Variants in RBFOX1 observed in about 807,000 individuals in gnomAD.
RBFOX1 encodes RNA binding fox-1 homolog 1.
RBFOX1 carries 8 observed loss-of-function variants against 57.7 expected under a neutral mutation model. That is an observed-to-expected ratio of 0.14 (90% CI 0.08 to 0.25). The LOEUF is 0.25. Ranked by LOEUF, RBFOX1 falls within the 10% of genes least tolerant of loss-of-function variation. The pLI is 1.00. For missense variants in RBFOX1, 611 were observed against 548.5 expected, an observed-to-expected ratio of 1.11 and a Z score of -1.14; for synonymous variants, 326 against 222.4, an observed-to-expected ratio of 1.47 and a Z score of -4.15.
intron 1 of RBFOX1, among the ~76,000 whole-genome samples, chr16:6,075,246 A>G (rs942924711): frequency 1.3e-5 from 2 of 152,246 alleles, no homozygotes; most frequent in Non-Finnish European, 2.9e-5. Context: ...TTACCGATGC[A>G]TAAACTTTGA....
intron 2 of RBFOX1, among the ~76,000 whole-genome samples, chr16:6,541,937 C>T (rs2096825924): frequency 6.6e-6 from 1 of 151,490 alleles, no homozygotes; most frequent in Admixed American, 6.6e-5. Flanking sequence ...CATTGATTTA[C>T]ATCTCCCCCT....
intron 3 of RBFOX1, among the ~76,000 whole-genome samples, chr16:7,019,794 G>A (rs975479900): frequency 3.9e-5 from 6 of 152,094 alleles, no homozygotes; most frequent in South Asian, 2.1e-4. Context: ...AAATACCCAC[G>A]CCCCAATTCC....
intron 3 of RBFOX1, among the ~76,000 whole-genome samples, chr16:6,795,155 A>G (rs1172398527): frequency 1.3e-5 from 2 of 152,176 alleles, no homozygotes; most frequent in Admixed American, 6.5e-5. Flanking sequence ...GATTCATAGT[A>G]AGGACCAGAT....
intron 3 of RBFOX1, among the ~76,000 whole-genome samples, chr16:5,735,894 C>T (rs1329429475): frequency 6.6e-6 from 1 of 152,014 alleles, no homozygotes; most frequent in Non-Finnish European, 1.5e-5. Flanking sequence ...AATAAAACAA[C>T]AACAACAACA....
At position 5,867,191 on chromosome 16, in the gene RBFOX1, T is replaced by G. The variant is rs575981374; in HGVS notation, c.319-112T>G. ...GTGTGTGTGGTGTGTGTTGCAACCT[T>G]TGTCCCCTCGGGTCATAACAAATTA... On this transcript the variant is annotated intron_variant, in intron 3 of 19. Coordinates refer to the RBFOX1 transcript ENST00000641259. The G allele has an allele frequency of 4.9e-5, 28 of 575,464 alleles. No individual in the cohort carries two copies. In the South Asian group the frequency reaches 2.4e-3, roughly 50 times the overall value. The allele number at this position is 575,464 out of a possible 1,614,324, so 35.6% of individuals were successfully genotyped here.
At chr16:5,995,101 C>A (rs956134936) in intron 4 of RBFOX1, among the ~76,000 whole-genome samples, 1 of 152,300 alleles carries the variant, frequency 6.6e-6, no homozygotes, top group Non-Finnish European at 1.5e-5. Flanking sequence ...TCTTGAAGTA[C>A]ATTTCTGTAC....
chr16:7,174,863 A>G (rs1347149041), intron 4 of RBFOX1, among the ~76,000 whole-genome samples: 1 of 152,216 alleles, frequency 6.6e-6, no homozygotes, highest in African/African-American at 2.4e-5. Context: ...CACCAGCAAC[A>G]TACAAGCATC....
chr16:6,412,191 C>G (rs549160608), intron 2 of RBFOX1, among the ~76,000 whole-genome samples: 1 of 150,976 alleles, frequency 6.6e-6, no homozygotes, highest in Admixed American at 6.6e-5. Context: ...TCACAGTAGT[C>G]AAATACTGGG....
At position 7,587,286 on chromosome 16, in the gene RBFOX1, G is replaced by T; in HGVS notation, c.454G>T (p.Glu152Ter). ...CTTAGATGTTGAAATTATTTTTAAT[G>T]AGCGAGGCTCAAAGGTAAGCAACTT... The part of the protein sequence containing the change: ...KILDVEIIFN[E>*]RGSKGFGFVT... Residue 152 changes from glutamate to a stop codon, truncating the protein, a stop_gained, in exon 7 of 16, where the codon GAG becomes TAG. Transcript: ENST00000550418. LOFTEE classifies it high-confidence loss of function. 1 of 1,562,664 alleles carries T rather than the reference G, an allele frequency of 6.4e-7. No homozygotes were observed. The highest frequency in any genetic ancestry group is 1.2e-5 in the South Asian group (1 of 80,652).
intron 1 of RBFOX1, among the ~76,000 whole-genome samples, chr16:6,249,903 C>T (rs2097594614): frequency 6.6e-6 from 1 of 151,022 alleles, no homozygotes; most frequent in Non-Finnish European, 1.5e-5. Flanking sequence ...TTAGGTATAT[C>T]TCCAACTGCT....
At chr16:6,287,217 T>G (rs1351907797) in intron 1 of RBFOX1, among the ~76,000 whole-genome samples, 2 of 152,140 alleles carry the variant, frequency 1.3e-5, no homozygotes, top group African/African-American at 4.8e-5. Flanking sequence ...AACTTACTGT[T>G]TTCAAGTTGA....
chr16:6,954,242 G>A (rs955449751), intron 3 of RBFOX1, among the ~76,000 whole-genome samples: 1 of 147,088 alleles, frequency 6.8e-6, no homozygotes, highest in Admixed American at 6.7e-5. Flanking sequence ...GATTTTGAAG[G>A]TGCTATGTAA....
At chr16:5,491,048 C>T (rs952989600) in intron 2 of RBFOX1, among the ~76,000 whole-genome samples, 3 of 152,064 alleles carry the variant, frequency 2.0e-5, no homozygotes, top group African/African-American at 7.2e-5. Context: ...CTGCAATGGC[C>T]AATATCAAAT....
chr16:5,696,704 TGAG>T (rs987882878), intron 3 of RBFOX1, among the ~76,000 whole-genome samples: 3 of 152,314 alleles, frequency 2.0e-5, no homozygotes, highest in African/African-American at 7.2e-5. Context: ...TTCAAATACT[TGAG>T]GAGAGTTTAC....
chr16:5,394,245 A>T (rs2066488230), intron 1 of RBFOX1, among the ~76,000 whole-genome samples: 1 of 152,104 alleles, frequency 6.6e-6, no homozygotes, highest in Non-Finnish European at 1.5e-5. Flanking sequence ...GCTGATCTCA[A>T]ACTCCTGAAC....
In RBFOX1 at chr16:6,413,499, G is replaced by C. The variant is rs564484221; in HGVS notation, c.-64+96442G>C. ...TTTAATAGATAATGGTTAGGACAGTGAAATTTTTAGTCGGCTATCATTGCA... is the reference window on the plus strand; with the variant it reads ...TTTAATAGATAATGGTTAGGACAGTCAAATTTTTAGTCGGCTATCATTGCA... On this transcript the variant is annotated intron_variant, in intron 2 of 15. Coordinates refer to ENST00000550418, the MANE Select transcript of RBFOX1 (RefSeq NM_018723.4). Among the ~76,000 whole-genome samples the C allele has an allele frequency of 6.6e-5, 10 of 152,198 alleles. No homozygotes were observed. The South Asian group carries it at 1.9e-3, about 28-fold the overall frequency.
intron 2 of RBFOX1, among the ~76,000 whole-genome samples, chr16:6,367,571 C>G (rs979401410): frequency 2.0e-5 from 3 of 152,002 alleles, no homozygotes; most frequent in East Asian, 1.9e-4. Context: ...CGCCTGGCCC[C>G]TTCTTGGATT....
At chr16:5,929,621 T>C (rs956103484) in intron 4 of RBFOX1, among the ~76,000 whole-genome samples, 36 of 152,222 alleles carry the variant, frequency 2.4e-4, no homozygotes, top group African/African-American at 8.4e-4. Flanking sequence ...TGGATCATAA[T>C]ATAATAATAA....
At chr16:6,343,060 C>G (rs1177721481) in intron 2 of RBFOX1, among the ~76,000 whole-genome samples, 1 of 152,124 alleles carries the variant, frequency 6.6e-6, no homozygotes, top group African/African-American at 2.4e-5. Context: ...TTAAATCCAT[C>G]AAAAGGGAGG....
Sources: allele counts gnomAD v4.1 joint callset (sites outside exome capture counted in the v4.1 genomes callset), GRCh38; gene constraint gnomAD v4.1.1; transcripts MANE v1.5; gene names NCBI Gene and HGNC (gene_info 2026-07-23, HGNC 2026-07-21).